Variants in SLC9A1 observed in about 807,000 individuals in gnomAD.
The protein encoded by SLC9A1 is solute carrier family 9 member A1.
In SLC9A1, 22 loss-of-function variants were observed where a neutral mutation model predicts 67.9. That is an observed-to-expected ratio of 0.32 (90% CI 0.23 to 0.46). The LOEUF is 0.46. SLC9A1 is among the 20% of genes least tolerant of loss of function. The probability of loss-of-function intolerance (pLI) is 1.00; values close to 1 mark genes in which losing one functional copy is unlikely to be tolerated. For missense variants in SLC9A1, 686 were observed against 1,094.8 expected (o/e 0.63, Z 5.27); for synonymous variants, 421 against 471.8 (o/e 0.89, Z 1.40).
chr1:27,121,848 C>T lies in SLC9A1; in HGVS notation c.353-7562G>A, dbSNP rs536411025. ...TTTCAAAACTCAGTGGAGGGCCGGG[C>T]GCAGTGGCTCACACCTATAATCCCA... On this transcript the variant is annotated intron_variant, in intron 1 of 11. Coordinates refer to ENST00000263980, the MANE Select transcript of SLC9A1 (RefSeq NM_003047.5). Among the ~76,000 whole-genome samples, 25 of 152,246 alleles carry T rather than the reference C, an allele frequency of 1.6e-4. No individual in the cohort carries two copies. The South Asian group carries it at 3.7e-3, about 23-fold the overall frequency.
At position 27,137,235 on chromosome 1, in the gene SLC9A1, G is replaced by C. The variant is rs1317991489; in HGVS notation, c.352+16748C>G. Among the ~76,000 whole-genome samples, 1 of 152,288 alleles carries C rather than the reference G, an allele frequency of 6.6e-6. No individual in the cohort carries two copies. Among genetic ancestry groups the C allele is most frequent in the Non-Finnish European group, 1.5e-5 (1 of 68,058 alleles). On this transcript the variant is annotated intron_variant, in intron 1 of 11. Coordinates refer to ENST00000263980, the MANE Select transcript of SLC9A1 (RefSeq NM_003047.5). This position sits in a 1 kb window ranked among gnomAD's most constrained non-coding sequence, Gnocchi z 4.6. The stretch of plus-strand genomic sequence containing the variant: ...GGCTGAAAAGAAAGTGGGACAGGCA[G>C]GAGGCCGCCTCACCTCTGCGGAGGG...
At chr1:27,131,498 C>T (rs1180421750) in intron 1 of SLC9A1, among the ~76,000 whole-genome samples, 5 of 149,486 alleles carry the variant, frequency 3.3e-5, no homozygotes, top group Admixed American at 6.6e-5. Context: ...GCCTGTAATC[C>T]GAGTACTTTG....
In SLC9A1 at chr1:27,101,727, T is replaced by C; in HGVS notation, c.2035A>G (p.Lys679Glu). Residue 679 changes from lysine (K) to glutamate (E), a missense_variant and splice_region_variant, in exon 10 of 12, where the codon AAG (lysine) becomes GAG (glutamate). Lys to Glu is a moderately conservative substitution (Grantham distance 56). Coordinates refer to ENST00000263980, the MANE Select transcript of SLC9A1 (RefSeq NM_003047.5). This position sits in a 1 kb window ranked among gnomAD's most constrained non-coding sequence, Gnocchi z 4.9. ...TCCCAGAGGAAGGCAGAGGCTACCT[T>C]CTGCTCCAGCTGCCGGGCCTTCTGC... ...RRQKARQLEQKINNYLTVPAH... is the reference protein window; with the variant it reads ...RRQKARQLEQEINNYLTVPAH... The C allele has an allele frequency of 1.2e-6, 2 of 1,608,712 alleles. No individual in the cohort carries two copies. The highest frequency in any genetic ancestry group is 1.7e-6 in the Non-Finnish European group (2 of 1,176,430).
chr1:27,122,575 C>A (rs890418152), intron 1 of SLC9A1, among the ~76,000 whole-genome samples: 1 of 152,120 alleles, frequency 6.6e-6, no homozygotes, highest in African/African-American at 2.4e-5. Flanking sequence ...TCAGAGGGTC[C>A]CCTGACCTTC....
rs373353546 is a variant in SLC9A1 at position 27,128,663 on chromosome 1, A to T, written c.353-14377T>A. Among the ~76,000 whole-genome samples the T allele has an allele frequency of 4.3e-4, 65 of 151,638 alleles. 1 individual carries two copies. In the East Asian group the frequency reaches 9.3e-3, roughly 22 times the overall value. On this transcript the variant is annotated intron_variant, in intron 1 of 11. Transcript: ENST00000263980. ...CAGGGTGAGACCCTGTCTTTAAAAAAAAAAAAAAAAAAGGCCAGGCGTGGT... is the reference window on the plus strand; with the variant it reads ...CAGGGTGAGACCCTGTCTTTAAAAATAAAAAAAAAAAAGGCCAGGCGTGGT...
intron 1 of SLC9A1, among the ~76,000 whole-genome samples, chr1:27,146,402 A>G (rs528484283): frequency 2.0e-5 from 3 of 152,330 alleles, no homozygotes; most frequent in Admixed American, 6.5e-5. Flanking sequence ...GAAGTGATCC[A>G]CAGAAAGCAG....
intron 1 of SLC9A1, among the ~76,000 whole-genome samples, chr1:27,135,979 G>A (rs1435155124): frequency 1.3e-5 from 2 of 152,232 alleles, no homozygotes; most frequent in Non-Finnish European, 2.9e-5. Flanking sequence ...CAGATAATCA[G>A]CCTACAGGCA....
intron 1 of SLC9A1, among the ~76,000 whole-genome samples, chr1:27,115,735 CAAA>C (rs112070851): frequency 7.2e-6 from 1 of 139,278 alleles, no homozygotes; most frequent in Admixed American, 7.3e-5. Context: ...AGCCCAGCCT[CAAA>C]AAAAAAAAAG....
chr1:27,099,158 T>TC lies in SLC9A1; in HGVS notation c.*1148dup, dbSNP rs945181051. 1.3e-5 allele frequency: 2 copies of TC among 152,138 alleles called. No individual in the cohort carries two copies. The highest frequency in any genetic ancestry group is 6.6e-5 in the Admixed American group (1 of 15,236). 9.4% of individuals were successfully genotyped at this position (152,138 alleles called of 1,614,324 possible). A position where few individuals can be genotyped will look rare whatever the true frequency, so the allele number is the denominator to read the frequency against. Reference sequence around the variant, plus strand: ...CAGGGGATCCTCAGGGGAGGCCTTCTCCCCCCCACCGCCTCCACAATGGGC... The same window carrying TC: ...CAGGGGATCCTCAGGGGAGGCCTTCTCCCCCCCCACCGCCTCCACAATGGGC... On this transcript the variant is annotated 3_prime_UTR_variant, in exon 12 of 12. Coordinates refer to ENST00000263980, the MANE Select transcript of SLC9A1 (RefSeq NM_003047.5).
chr1:27,112,883 CAAA>C (rs58540104), intron 2 of SLC9A1, among the ~76,000 whole-genome samples: 1 of 41,500 alleles, frequency 2.4e-5, no homozygotes. Context: ...GACTCCATCT[CAAA>C]AAAAAAAAAA....
chr1:27,127,127 T>G (rs557188602), intron 1 of SLC9A1, among the ~76,000 whole-genome samples: 3 of 152,210 alleles, frequency 2.0e-5, no homozygotes, highest in Admixed American at 6.5e-5. Flanking sequence ...CAGCCCCCCA[T>G]GTAACTGGGA....
intron 4 of SLC9A1, among the ~76,000 whole-genome samples, chr1:27,107,231 A>C (rs2124140535): frequency 1.7e-3 from 1 of 600 alleles, no homozygotes. Context: ...ACACACACCC[A>C]ACCCCTACAC....
At chr1:27,128,905 C>T (rs1231979998) in intron 1 of SLC9A1, among the ~76,000 whole-genome samples, 2 of 152,038 alleles carry the variant, frequency 1.3e-5, no homozygotes, top group Non-Finnish European at 2.9e-5. Flanking sequence ...TGCAGTGAGC[C>T]GAGATCCTCA....
At chr1:27,121,429 C>A (rs560839585) in intron 1 of SLC9A1, among the ~76,000 whole-genome samples, 8 of 152,288 alleles carry the variant, frequency 5.3e-5, no homozygotes, top group Non-Finnish European at 1.0e-4. Context: ...GAATAACCTC[C>A]ATTTTCTTGT....
At chr1:27,130,433 G>C (rs989969683) in intron 1 of SLC9A1, among the ~76,000 whole-genome samples, 7 of 152,202 alleles carry the variant, frequency 4.6e-5, no homozygotes, top group Non-Finnish European at 1.5e-5. Context: ...ATCCCTAGCA[G>C]TACCAGTGTG....
At chr1:27,145,603 A>G (rs2083480259) in intron 1 of SLC9A1, among the ~76,000 whole-genome samples, 1 of 152,366 alleles carries the variant, frequency 6.6e-6, no homozygotes, top group Admixed American at 6.5e-5. Context: ...AAACAGGCTC[A>G]GCACTGTGGC....
In SLC9A1 at chr1:27,146,971, A is replaced by C. The variant is rs148528316; in HGVS notation, c.352+7012T>G. Among the ~76,000 whole-genome samples the C allele has an allele frequency of 4.5e-3, 685 of 152,084 alleles. 4 individuals are homozygous for C. Among genetic ancestry groups the C allele is most frequent in the African/African-American group, 0.016 (650 of 41,486 alleles). ...GCCAACATGGCGAAAACCCATCTCT[A>C]CTAAAAATACAAAAATTAGGCCGGG... is the stretch of plus-strand genomic sequence containing the variant. On this transcript the variant is annotated intron_variant, in intron 1 of 11. Transcript: ENST00000263980.
intron 5 of SLC9A1, chr1:27,104,050 G>A (rs2124133045): frequency 6.6e-6 from 1 of 150,654 alleles, no homozygotes; most frequent in Admixed American, 6.6e-5. Context: ...AGCAGGGCAA[G>A]AGGACAAAAG....
At chr1:27,146,212 T>C (rs1462068737) in intron 1 of SLC9A1, among the ~76,000 whole-genome samples, 7 of 152,036 alleles carry the variant, frequency 4.6e-5, no homozygotes, top group Non-Finnish European at 1.0e-4. Flanking sequence ...AGGGGGCAGG[T>C]GGGAGAGGCG....
Sources: allele counts gnomAD v4.1 joint callset (sites outside exome capture counted in the v4.1 genomes callset), GRCh38; gene constraint gnomAD v4.1.1; non-coding constraint Gnocchi (gnomAD v3.1); transcripts MANE v1.5; gene names NCBI Gene and HGNC (gene_info 2026-07-23, HGNC 2026-07-21).